The following AGA variants were observed in gnomAD, a reference collection of about 807,000 sequenced individuals.
AGA encodes aspartylglucosaminidase.
Under a neutral mutation model 40.1 loss-of-function variants are expected in AGA, and 31 were observed. The ratio of observed to expected loss-of-function variants is 0.77; its 90% confidence interval spans 0.58 to 1.04. The LOEUF is 1.04. AGA is among the 50% of genes least tolerant of loss of function. The probability of loss-of-function intolerance (pLI) is 0.00; values close to 1 mark genes in which losing one functional copy is unlikely to be tolerated. For synonymous variants in AGA, 148 were observed against 144.0 expected, an observed-to-expected ratio of 1.03 and a Z score of -0.20; for missense variants, 445 against 435.4, an observed-to-expected ratio of 1.02 and a Z score of -0.20.
At chr4:177,442,201 C>T (rs200732408) in intron 1 of AGA, 48 bp downstream of exon 1, 7 of 1,609,120 alleles carry the variant, frequency 4.4e-6, no homozygotes, top group East Asian at 2.2e-5. Context: ...TCATCCCCAC[C>T]CGCAAGCTCT....
At chr4:177,442,198 C>A (rs776742063) in intron 1 of AGA, 51 bp downstream of exon 1, 1 of 1,608,224 alleles carries the variant, frequency 6.2e-7, no homozygotes, top group Non-Finnish European at 8.5e-7. Context: ...TAGTCATCCC[C>A]ACCCGCAAGC....
chr4:177,435,404 T>C (rs1413092256), intron 6 of AGA, among the ~76,000 whole-genome samples: 2 of 152,194 alleles, frequency 1.3e-5, no homozygotes, highest in Non-Finnish European at 2.9e-5. Flanking sequence ...CAGCCAGGTA[T>C]ATACCAGGAT....
chr4:177,441,376 G>A (rs1275356467), intron 1 of AGA, among the ~76,000 whole-genome samples: 1 of 152,096 alleles, frequency 6.6e-6, no homozygotes, highest in East Asian at 1.9e-4. Context: ...AAGTTAATAC[G>A]TTAGCAACCT....
At chr4:177,439,491 G>T in intron 3 of AGA, 85 bp downstream of exon 3, 2 of 996,578 alleles carry the variant, frequency 2.0e-6, no homozygotes, top group Non-Finnish European at 3.2e-6. Flanking sequence ...ACTTAGATCT[G>T]GTTTTATCCA....
Position 177,442,420 on chromosome 4 carries a change from A to C in AGA, c.-45T>G, listed in dbSNP as rs747279779. On this transcript the variant is annotated 5_prime_UTR_variant, in exon 1 of 9. Coordinates refer to ENST00000264595, the MANE Select transcript of AGA (RefSeq NM_000027.4). ...CAGCGCGAGAAAAGTCCCGGCAGCC[A>C]GCGATCGCCGAACAATTAATCCCCA... 1 of 1,611,892 alleles carries C rather than the reference A, an allele frequency of 6.2e-7. No individual in the cohort carries two copies. Among genetic ancestry groups the C allele is most frequent in the South Asian group, 1.1e-5 (1 of 90,932 alleles).
intron 2 of AGA, chr4:177,440,061 C>T (rs1736944644): frequency 1.6e-6 from 1 of 622,274 alleles, no homozygotes; most frequent in Non-Finnish European, 2.8e-6. Flanking sequence ...TCTCCCAGTT[C>T]TAAGGGACTA....
intron 8 of AGA, 125 bp from the exon 9 acceptor site, chr4:177,431,933 A>G (rs1736648173): frequency 1.3e-6 from 1 of 787,104 alleles, no homozygotes; most frequent in South Asian, 1.5e-5. Flanking sequence ...CCACATGGAA[A>G]TACACTAGTG....
rs1049964107 is a variant in AGA at position 177,442,166 on chromosome 4, G to T, written c.127+83C>A. The T allele has an allele frequency of 2.5e-6, 4 of 1,583,552 alleles. No homozygotes were observed. The South Asian group carries it at 4.5e-5, about 18-fold the overall frequency. On this transcript the variant is annotated intron_variant, in intron 1 of 8. Coordinates refer to ENST00000264595, the MANE Select transcript of AGA (RefSeq NM_000027.4). Reference sequence around the variant, plus strand: ...CCGGCGCTCTTCCGTCCGCCCTGCCGGGTGACTGCAGCGGGGCGGGCTAGT... The same window carrying T: ...CCGGCGCTCTTCCGTCCGCCCTGCCTGGTGACTGCAGCGGGGCGGGCTAGT...
intron 6 of AGA, among the ~76,000 whole-genome samples, chr4:177,435,476 T>C (rs116679097): frequency 0.023 from 3,493 of 152,286 alleles, 92 homozygotes; most frequent in Admixed American, 0.057. Context: ...TTCCAGATGA[T>C]TGCAACATGT....
chr4:177,432,661 T>C (rs1449474207), intron 8 of AGA, among the ~76,000 whole-genome samples: 2 of 152,134 alleles, frequency 1.3e-5, no homozygotes, highest in African/African-American at 4.8e-5. Flanking sequence ...CTAATGAGAA[T>C]CAGCAGTGGC....
At position 177,440,176 on chromosome 4, in the gene AGA, T is replaced by G. The variant is rs910142863; in HGVS notation, c.281+97A>C. 87 of 1,416,008 alleles carry G rather than the reference T, an allele frequency of 6.1e-5. 2 individuals carry two copies. In the Admixed American group the frequency reaches 1.5e-3, roughly 24 times the overall value. 87.7% of individuals were successfully genotyped at this position (1,416,008 alleles called of 1,614,324 possible). Reference sequence around the variant, plus strand: ...GTATAATAAGCTAGGGGTTTTGATCTGTGTCAAAACTCATGCATTCTTTCA... The same window carrying G: ...GTATAATAAGCTAGGGGTTTTGATCGGTGTCAAAACTCATGCATTCTTTCA... On this transcript the variant is annotated intron_variant, in intron 2 of 8. Coordinates refer to ENST00000264595, the MANE Select transcript of AGA (RefSeq NM_000027.4).
intron 1 of AGA, 129 bp downstream of exon 1, chr4:177,442,120 G>A: frequency 1.4e-6 from 2 of 1,384,558 alleles, no homozygotes; most frequent in Non-Finnish European, 2.0e-6. Context: ...TAGAGGGCGG[G>A]ACCGCGAGGC....
intron 1 of AGA, among the ~76,000 whole-genome samples, chr4:177,441,907 G>A (rs1463297225): frequency 6.6e-6 from 1 of 152,200 alleles, no homozygotes; most frequent in Non-Finnish European, 1.5e-5. Context: ...TACACAGCCC[G>A]TGAAAAGACT....
chr4:177,434,600 G>T, intron 6 of AGA, 111 bp from the exon 7 acceptor site: 1 of 872,788 alleles, frequency 1.1e-6, no homozygotes, highest in Non-Finnish European at 1.9e-6. Context: ...ACCGTTTTAA[G>T]TAAATTCTTC....
In AGA at chr4:177,437,504, G is replaced by A. The variant is rs367968495; in HGVS notation, c.523C>T (p.Pro175Ser). Residue 175 changes from proline to serine, a missense_variant, in exon 5 of 9, where the codon CCC becomes TCC. By Grantham distance (74) the Pro-to-Ser change is moderately conservative. Coordinates refer to ENST00000264595, the MANE Select transcript of AGA (RefSeq NM_000027.4). ...TTGTAGGGTCCGCAGTATTTTGAGG[G>A]ATCTGGTATAACATTCTGTAAACAA... is the stretch of plus-strand genomic sequence containing the variant. ...PNYWRNVIPDPSKYCGPYKPP... is the reference protein window; with the variant it reads ...PNYWRNVIPDSSKYCGPYKPP... The A allele has an allele frequency of 2.2e-5, 36 of 1,606,592 alleles. No homozygotes were observed. Among genetic ancestry groups the A allele is most frequent in the Admixed American group, 5.0e-5 (3 of 59,980 alleles).
At position 177,436,322 on chromosome 4, in the gene AGA, T is replaced by C; in HGVS notation, c.652A>G (p.Ile218Val). ...CCATTTGTAGATGTACCAGCAGCAA[T>C]ATGTCCTGTCTTATGGATTACAACC... ...GMVVIHKTGH[I>V]AAGTSTNGIK... Residue 218 changes from isoleucine (I) to valine (V), a missense_variant, in exon 6 of 9, where the codon ATT (isoleucine) becomes GTT (valine). Ile to Val is a conservative substitution (Grantham distance 29). Transcript: ENST00000264595. 1 of 1,613,598 alleles carries C rather than the reference T, an allele frequency of 6.2e-7. No individual in the cohort carries two copies. Among genetic ancestry groups the C allele is most frequent in the Non-Finnish European group, 8.5e-7 (1 of 1,179,830 alleles).
At chr4:177,436,233 T>A in intron 6 of AGA, 43 bp downstream of exon 6, 1 of 1,498,832 alleles carries the variant, frequency 6.7e-7, no homozygotes, top group Admixed American at 1.7e-5. Flanking sequence ...TTGCTCTGCA[T>A]TCAGTGTATA....
intron 3 of AGA, among the ~76,000 whole-genome samples, chr4:177,439,216 A>C (rs1205481896): frequency 6.6e-6 from 1 of 152,128 alleles, no homozygotes; most frequent in Non-Finnish European, 1.5e-5. Context: ...CCCCGTCTCT[A>C]CTAAAAATAT....
At chr4:177,436,191 T>C in intron 6 of AGA, 85 bp downstream of exon 6, 4 of 1,125,204 alleles carry the variant, frequency 3.6e-6, no homozygotes, top group Non-Finnish European at 4.0e-6. Context: ...ACTAGGGCTG[T>C]GCTTTGCAAC....
Sources: allele counts gnomAD v4.1 joint callset (sites outside exome capture counted in the v4.1 genomes callset), GRCh38; gene constraint gnomAD v4.1.1; transcripts MANE v1.5; gene names NCBI Gene and HGNC (gene_info 2026-07-23, HGNC 2026-07-21).